The following TMEM132D variants were observed in gnomAD, a reference collection of about 807,000 sequenced individuals.
The protein encoded by TMEM132D is mature OL transmembrane protein.
A neutral mutation model predicts 62.3 loss-of-function variants in TMEM132D; 21 were observed. That is an observed-to-expected ratio of 0.34 (90% CI 0.24 to 0.49). The LOEUF (loss-of-function observed/expected upper bound fraction) is 0.49, where lower values mean the gene tolerates loss of function less well. TMEM132D is among the 20% of genes least tolerant of loss of function. The probability of loss-of-function intolerance (pLI) is 0.99; values close to 1 mark genes in which losing one functional copy is unlikely to be tolerated. For missense variants in TMEM132D, 1,346 were observed against 1,402.8 expected (o/e 0.96, Z 0.65); for synonymous variants, 621 against 575.6 (o/e 1.08, Z -1.13).
intron 5 of TMEM132D, among the ~76,000 whole-genome samples, chr12:129,127,246 G>A (rs981146289): frequency 6.6e-5 from 10 of 151,968 alleles, no homozygotes; most frequent in Non-Finnish European, 8.8e-5. Flanking sequence ...TCCTCCTCAC[G>A]TTGTGATCTT....
chr12:129,692,172 T>G (rs2137217643), intron 2 of TMEM132D, among the ~76,000 whole-genome samples: 1 of 152,266 alleles, frequency 6.6e-6, no homozygotes, highest in African/African-American at 2.4e-5. Flanking sequence ...ATATGAGTAT[T>G]AAAATCCTCA....
intron 8 of TMEM132D, 150 bp from the exon 9 acceptor site, chr12:129,075,209 C>A (rs1017011985): frequency 1.5e-6 from 1 of 656,782 alleles, no homozygotes; most frequent in South Asian, 2.4e-5. Context: ...ATAAGAAGTA[C>A]CAAGAGTATA....
intron 5 of TMEM132D, among the ~76,000 whole-genome samples, chr12:129,124,593 T>C (rs1876157884): frequency 6.6e-6 from 1 of 152,224 alleles, no homozygotes; most frequent in African/African-American, 2.4e-5. Flanking sequence ...TGTTTCTGGC[T>C]TCATTGCTCA....
intron 1 of TMEM132D, among the ~76,000 whole-genome samples, chr12:129,893,110 C>T (rs930133033): frequency 6.6e-6 from 1 of 152,048 alleles, no homozygotes; most frequent in African/African-American, 2.4e-5. Context: ...CTCTTGACCT[C>T]GTGATCCGCC....
chr12:129,498,278 G>C (rs1875021799), intron 3 of TMEM132D, among the ~76,000 whole-genome samples: 1 of 152,004 alleles, frequency 6.6e-6, no homozygotes, highest in Non-Finnish European at 1.5e-5. Context: ...TTTTGAGATG[G>C]AGTCTCACTC....
At position 129,652,200 on chromosome 12, in the gene TMEM132D, G is replaced by A. The variant is rs577984625; in HGVS notation, c.968+47610C>T. Among the ~76,000 whole-genome samples, 12 of 152,302 alleles carry A rather than the reference G, an allele frequency of 7.9e-5. No individual in the cohort carries two copies. In the East Asian group the frequency reaches 1.2e-3, roughly 15 times the overall value. On this transcript the variant is annotated intron_variant, in intron 2 of 8. Coordinates refer to ENST00000422113, the MANE Select transcript of TMEM132D (RefSeq NM_133448.3). ...GGAATCCCTTCAAGGTTCTTCCAAC[G>A]TAGAAGAACGGTATAGAACTTGGGT...
intron 2 of TMEM132D, among the ~76,000 whole-genome samples, chr12:129,596,921 T>A (rs1878352708): frequency 6.6e-6 from 1 of 152,118 alleles, no homozygotes; most frequent in Admixed American, 6.5e-5. Flanking sequence ...GATGGGAAAA[T>A]CCTACCTTTA....
At chr12:129,436,815 A>G (rs1442337051) in intron 3 of TMEM132D, among the ~76,000 whole-genome samples, 3 of 152,190 alleles carry the variant, frequency 2.0e-5, no homozygotes, top group African/African-American at 7.2e-5. Context: ...AACTTGAAGT[A>G]TATACATTCA....
At chr12:129,670,458 T>C (rs1271553182) in intron 2 of TMEM132D, among the ~76,000 whole-genome samples, 1 of 152,056 alleles carries the variant, frequency 6.6e-6, no homozygotes, top group East Asian at 1.9e-4. Flanking sequence ...ACCACCCAGA[T>C]GCATAAACTG....
intron 5 of TMEM132D, among the ~76,000 whole-genome samples, chr12:129,189,237 C>G (rs10773605): frequency 0.3 from 44,929 of 151,990 alleles, 7,188 homozygotes; most frequent in East Asian, 0.54. Flanking sequence ...AAACCACCAC[C>G]CTTCAGCCTC....
chr12:129,642,546 C>T (rs1035008862), intron 2 of TMEM132D, among the ~76,000 whole-genome samples: 11 of 152,240 alleles, frequency 7.2e-5, no homozygotes, highest in Non-Finnish European at 1.0e-4. Flanking sequence ...GTCCCCAGCT[C>T]AGCTCCCAGT....
chr12:129,203,692 C>T (rs572573262), intron 5 of TMEM132D, among the ~76,000 whole-genome samples: 13 of 152,364 alleles, frequency 8.5e-5, no homozygotes, highest in East Asian at 7.7e-4. Flanking sequence ...CATAGCCAGA[C>T]GTGTCACACC....
At chr12:129,336,436 C>G (rs565535297) in intron 4 of TMEM132D, among the ~76,000 whole-genome samples, 126 of 152,116 alleles carry the variant, frequency 8.3e-4, no homozygotes, top group African/African-American at 3.0e-3. Context: ...ATTAGCCAGG[C>G]ATGGTGGTGG....
At chr12:129,548,247 C>T (rs554460290) in intron 2 of TMEM132D, among the ~76,000 whole-genome samples, 1 of 152,288 alleles carries the variant, frequency 6.6e-6, no homozygotes, top group African/African-American at 2.4e-5. Flanking sequence ...GCAGGGGAGA[C>T]ACCTCCTTCA....
chr12:129,135,445 G>A lies in TMEM132D; in HGVS notation c.1444-50743C>T, dbSNP rs116234066. Among the ~76,000 whole-genome samples, 515 of 152,272 alleles carry A rather than the reference G, an allele frequency of 3.4e-3. 3 individuals are homozygous for A. The highest frequency in any genetic ancestry group is 0.012 in the African/African-American group (484 of 41,564). ...CTCCAGGAAGGTGGCATTTCAGGGA[G>A]GCACTGTTGGGGAGATCATCTCTGC... On this transcript the variant is annotated intron_variant, in intron 5 of 8. Transcript: ENST00000422113.
intron 5 of TMEM132D, among the ~76,000 whole-genome samples, chr12:129,152,973 C>T (rs1213770575): frequency 6.6e-6 from 1 of 152,152 alleles, no homozygotes; most frequent in African/African-American, 2.4e-5. Context: ...CAGCTCCCAC[C>T]CGGCACTTCC....
chr12:129,109,927 C>T (rs1015009314), intron 5 of TMEM132D: 1 of 152,754 alleles, frequency 6.5e-6, no homozygotes, highest in Non-Finnish European at 1.5e-5. Flanking sequence ...TCCCTTCTGT[C>T]CTCAGGGGCC....
intron 3 of TMEM132D, among the ~76,000 whole-genome samples, chr12:129,504,341 T>A (rs1443781092): frequency 6.6e-6 from 1 of 152,210 alleles, no homozygotes; most frequent in Non-Finnish European, 1.5e-5. Flanking sequence ...TCTTTGAATG[T>A]CTTGTAGAAT....
intron 3 of TMEM132D, among the ~76,000 whole-genome samples, chr12:129,482,945 C>CTGTGTG (rs59346043): frequency 1.1e-4 from 16 of 144,292 alleles, no homozygotes; most frequent in South Asian, 2.3e-4. Context: ...CATATTTAAT[C>CTGTGTG]TGTGTGTGTG....
Sources: gnomAD v4.1 joint callset for allele counts (sites outside exome capture counted in the v4.1 genomes callset) on GRCh38, gnomAD v4.1.1 for gene constraint, MANE v1.5 for transcripts, NCBI Gene and HGNC (gene_info 2026-07-23, HGNC 2026-07-21) for gene names.